AKAP6: variants seen among roughly 807,000 people sequenced by gnomAD.
AKAP6 encodes A-kinase anchoring protein 6, also known as A-kinase anchor protein 6.
Under a neutral mutation model 188.5 loss-of-function variants are expected in AKAP6, and 58 were observed. The observed-to-expected ratio is 0.31, with a 90% confidence interval of 0.25 to 0.38. The LOEUF (loss-of-function observed/expected upper bound fraction) is 0.38. Ranked by LOEUF, AKAP6 falls within the 10% of genes least tolerant of loss-of-function variation. The probability of loss-of-function intolerance (pLI) is 1.00; values close to 1 mark genes in which losing one functional copy is unlikely to be tolerated. For synonymous variants in AKAP6, 989 were observed against 998.6 expected (o/e 0.99, Z 0.18); for missense variants, 2,710 against 2,740.0 (o/e 0.99, Z 0.24).
At chr14:32,454,724 CT>C (rs1397020173) in intron 2 of AKAP6, among the ~76,000 whole-genome samples, 19 of 49,090 alleles carry the variant, frequency 3.9e-4, no homozygotes, top group African/African-American at 1.1e-3. Flanking sequence ...TCCTTCTCTC[CT>C]TCCCTCCTTC....
intron 1 of AKAP6, among the ~76,000 whole-genome samples, chr14:32,412,019 T>C (rs142654681): frequency 2.0e-3 from 299 of 152,266 alleles, no homozygotes; most frequent in African/African-American, 6.9e-3. Context: ...GATCTTGGTT[T>C]TTGTGAGGCA....
intron 5 of AKAP6, among the ~76,000 whole-genome samples, chr14:32,581,969 T>A (rs1409007230): frequency 6.6e-6 from 1 of 152,196 alleles, no homozygotes; most frequent in Non-Finnish European, 1.5e-5. Flanking sequence ...CTGTGTCTTT[T>A]AATTGGAGCA....
At chr14:32,795,114 A>G (rs1359612403) in intron 12 of AKAP6, among the ~76,000 whole-genome samples, 1 of 152,182 alleles carries the variant, frequency 6.6e-6, no homozygotes, top group Non-Finnish European at 1.5e-5. Flanking sequence ...TAGACCAATA[A>G]TGAGTTCTGA....
chr14:32,485,874 C>G (rs1231256630), intron 2 of AKAP6, among the ~76,000 whole-genome samples: 2 of 152,206 alleles, frequency 1.3e-5, no homozygotes, highest in Non-Finnish European at 2.9e-5. Flanking sequence ...GTGTTTTAGT[C>G]ATGAAGTCTT....
intron 2 of AKAP6, among the ~76,000 whole-genome samples, chr14:32,453,837 G>A (rs1448969205): frequency 3.3e-5 from 5 of 151,170 alleles, no homozygotes; most frequent in African/African-American, 7.3e-5. Context: ...CGCCCGCCTC[G>A]GCCTCCCAAA....
chr14:32,510,488 G>A (rs142379226), intron 2 of AKAP6, among the ~76,000 whole-genome samples: 52,145 of 116,918 alleles, frequency 0.45, 11,963 homozygotes, highest in African/African-American at 0.53. Context: ...ATATATATAT[G>A]TGTATATATA....
At position 32,792,824 on chromosome 14, in the gene AKAP6, A is replaced by C. The variant is rs2033650886; in HGVS notation, c.3588+18931A>C. 2.0e-5 allele frequency among the ~76,000 whole-genome samples: 3 copies of C among 152,326 alleles called. No homozygotes were observed. The East Asian group carries it at 5.8e-4, about 29-fold the overall frequency. On this transcript the variant is annotated intron_variant, in intron 12 of 13. Coordinates refer to ENST00000280979, the MANE Select transcript of AKAP6 (RefSeq NM_004274.5). ...TAGTTTATTGAGTGTTTTTAGCATG[A>C]AGTAGTGTTGAATTTTATCGAAGGC...
chr14:32,515,258 G>A (rs4981978), intron 2 of AKAP6, among the ~76,000 whole-genome samples: 119,791 of 152,020 alleles, frequency 0.79, 47,853 homozygotes, highest in African/African-American at 0.9. Flanking sequence ...AGAGAACGGT[G>A]TGGGGGAAAC....
At chr14:32,547,631 G>A (rs892976165) in intron 4 of AKAP6, among the ~76,000 whole-genome samples, 3 of 152,098 alleles carry the variant, frequency 2.0e-5, no homozygotes, top group African/African-American at 7.2e-5. Flanking sequence ...AATGTTTGAG[G>A]ACAGACTTAT....
chr14:32,791,518 G>GC (rs1418504163), intron 12 of AKAP6, among the ~76,000 whole-genome samples: 3 of 148,266 alleles, frequency 2.0e-5, no homozygotes, highest in Non-Finnish European at 4.5e-5. Flanking sequence ...CTGGGTATTA[G>GC]CCCTATTAGT....
intron 3 of AKAP6, among the ~76,000 whole-genome samples, chr14:32,544,691 T>G (rs1432246459): frequency 1.3e-5 from 2 of 152,178 alleles, no homozygotes; most frequent in Non-Finnish European, 2.9e-5. Flanking sequence ...TATTTGCAAA[T>G]TCAGTAGTTT....
chr14:32,718,366 T>A, intron 9 of AKAP6: 1 of 982,230 alleles, frequency 1.0e-6, no homozygotes. Context: ...TGTCAAAATA[T>A]TTTTCTGACA....
chr14:32,347,317 G>A (rs1010906741), intron 1 of AKAP6, among the ~76,000 whole-genome samples: 2 of 152,078 alleles, frequency 1.3e-5, no homozygotes, highest in Admixed American at 6.6e-5. Flanking sequence ...TCTTGAATAC[G>A]TTTAATTTCA....
At chr14:32,691,166 A>G (rs1213332414) in intron 8 of AKAP6, among the ~76,000 whole-genome samples, 4 of 152,168 alleles carry the variant, frequency 2.6e-5, no homozygotes, top group Non-Finnish European at 5.9e-5. Context: ...GCTACTCACC[A>G]CAATTTTAAT....
intron 12 of AKAP6, 137 bp downstream of exon 12, chr14:32,774,030 G>T: frequency 1.1e-6 from 1 of 875,886 alleles, no homozygotes; most frequent in Non-Finnish European, 1.8e-6. Context: ...TCTTACAAGT[G>T]GTTTTAACTA....
chr14:32,795,082 A>G (rs891346522), intron 12 of AKAP6, among the ~76,000 whole-genome samples: 20 of 152,222 alleles, frequency 1.3e-4, no homozygotes, highest in Admixed American at 9.2e-4. Flanking sequence ...AGACTGAACC[A>G]GGAAGAAATT....
intron 2 of AKAP6, among the ~76,000 whole-genome samples, chr14:32,457,986 G>A (rs976105068): frequency 7.2e-5 from 11 of 152,250 alleles, no homozygotes; most frequent in Admixed American, 4.6e-4. Context: ...ATTTTCCAAT[G>A]ACCAAAGTCA....
chr14:32,803,156 A>G (rs2033995647), intron 12 of AKAP6, among the ~76,000 whole-genome samples: 1 of 150,554 alleles, frequency 6.6e-6, no homozygotes, highest in Non-Finnish European at 1.5e-5. Context: ...ATTAAGAAAT[A>G]TTTGTGGCCA....
chr14:32,738,601 T>C, intron 11 of AKAP6, among the ~76,000 whole-genome samples: 1 of 152,280 alleles, frequency 6.6e-6, no homozygotes, highest in Non-Finnish European at 1.5e-5. Flanking sequence ...TGGGTATTTA[T>C]CTTTATGAAT....
Sources: gnomAD v4.1 joint callset for allele counts (sites outside exome capture counted in the v4.1 genomes callset) on GRCh38, gnomAD v4.1.1 for gene constraint, MANE v1.5 for transcripts, NCBI Gene and HGNC (gene_info 2026-07-23, HGNC 2026-07-21) for gene names.